SCAI: variants seen among roughly 807,000 people sequenced by gnomAD.
The protein encoded by SCAI is suppressor of cancer cell invasion.
A neutral mutation model predicts 92.2 loss-of-function variants in SCAI; 24 were observed. The ratio of observed to expected loss-of-function variants is 0.26; its 90% CI spans 0.19 to 0.37. The LOEUF is 0.37. Among genes scored for constraint, SCAI ranks in the 10% least tolerant of loss-of-function variants. SCAI has a pLI of 1.00. For missense variants in SCAI, 450 were observed against 736.2 expected (o/e 0.61, Z 4.50); for synonymous variants, 261 against 258.6 (o/e 1.01, Z -0.09).
intron 2 of SCAI, among the ~76,000 whole-genome samples, chr9:125,128,165 A>C (rs1455127615): frequency 6.6e-6 from 1 of 152,122 alleles, no homozygotes; most frequent in African/African-American, 2.4e-5. Flanking sequence ...AATTTTTAAA[A>C]ATAAAAAACC....
In SCAI at chr9:124,966,126, G is replaced by A. The variant is rs577636911; in HGVS notation, c.1674+5244C>T. 1.9e-4 allele frequency among the ~76,000 whole-genome samples: 29 copies of A among 152,128 alleles called. No homozygotes were observed. In the East Asian group the frequency reaches 4.3e-3, roughly 22 times the overall value. On this transcript the variant is annotated intron_variant, in intron 17 of 17. Transcript: ENST00000336505. ...TAAGTTCTAGGGTACATGTGCACAC[G>A]TGCAGGTTTGTTACATATGTATACA...
At chr9:124,975,506 C>T in intron 15 of SCAI, 1 of 271,884 alleles carries the variant, frequency 3.7e-6, no homozygotes, top group Non-Finnish European at 7.7e-6. Flanking sequence ...TTATGTGTCA[C>T]TAATTAAAGA....
chr9:124,960,491 A>C (rs2131577549), intron 17 of SCAI, among the ~76,000 whole-genome samples: 1 of 152,344 alleles, frequency 6.6e-6, no homozygotes, highest in Middle Eastern at 3.4e-3. Context: ...CTCAGTAACA[A>C]AAAGGAATGA....
chr9:125,054,311 C>T (rs1459365146), intron 3 of SCAI, among the ~76,000 whole-genome samples: 1 of 152,146 alleles, frequency 6.6e-6, no homozygotes, highest in Non-Finnish European at 1.5e-5. Flanking sequence ...TCAATAGGCA[C>T]ACAGATATGT....
chr9:125,026,098 T>G (rs1832959419), intron 6 of SCAI, among the ~76,000 whole-genome samples: 1 of 152,112 alleles, frequency 6.6e-6, no homozygotes, highest in Admixed American at 6.5e-5. Context: ...AGGCTGGGTG[T>G]GGTGGCTCAC....
At chr9:125,016,018 T>A (rs1408652239) in intron 9 of SCAI, among the ~76,000 whole-genome samples, 1 of 100,972 alleles carries the variant, frequency 9.9e-6, no homozygotes, top group Non-Finnish European at 1.8e-5. Flanking sequence ...CATCACACTT[T>A]GGGGACTGTT....
chr9:125,030,806 T>G (rs1833059269), intron 3 of SCAI, among the ~76,000 whole-genome samples: 1 of 152,120 alleles, frequency 6.6e-6, no homozygotes, highest in African/African-American at 2.4e-5. Flanking sequence ...TTAGCTACAC[T>G]TAAAATACAA....
At chr9:125,006,555 G>A (rs933023936) in intron 9 of SCAI, among the ~76,000 whole-genome samples, 2 of 152,144 alleles carry the variant, frequency 1.3e-5, no homozygotes, top group African/African-American at 2.4e-5. Context: ...GCAGTGGCGC[G>A]ATCTCGGCTC....
intron 1 of SCAI, 70 bp downstream of exon 1, chr9:125,143,315 C>T: frequency 1.0e-6 from 1 of 983,456 alleles, no homozygotes; most frequent in Non-Finnish European, 1.3e-6. Context: ...CCGCCCCGAG[C>T]CGCTGCCCCT....
chr9:124,989,001 T>C (rs1451589114), intron 14 of SCAI, among the ~76,000 whole-genome samples: 3 of 151,948 alleles, frequency 2.0e-5, no homozygotes, highest in Admixed American at 1.3e-4. Flanking sequence ...TAGCTGGGTG[T>C]GGTAGCGCAT....
intron 2 of SCAI, among the ~76,000 whole-genome samples, chr9:125,092,980 T>A (rs540043299): frequency 6.6e-6 from 1 of 152,346 alleles, no homozygotes; most frequent in South Asian, 2.1e-4. Context: ...AGGGTAATTA[T>A]CAGTCTTCAT....
intron 2 of SCAI, among the ~76,000 whole-genome samples, chr9:125,127,938 G>A (rs1451597000): frequency 6.6e-6 from 1 of 151,940 alleles, no homozygotes; most frequent in Non-Finnish European, 1.5e-5. Context: ...AACCCAGGAG[G>A]TGGAAGTCTC....
intron 3 of SCAI, among the ~76,000 whole-genome samples, chr9:125,054,015 C>T (rs368887575): frequency 6.6e-6 from 1 of 152,248 alleles, no homozygotes; most frequent in African/African-American, 2.4e-5. Flanking sequence ...TGCTCTGTCA[C>T]CCAGGCTGGA....
chr9:125,043,287 T>C (rs1833365035), intron 3 of SCAI, among the ~76,000 whole-genome samples: 1 of 152,192 alleles, frequency 6.6e-6, no homozygotes, highest in Non-Finnish European at 1.5e-5. Context: ...GACTCACATA[T>C]TCTTGTTTAA....
At position 124,950,991 on chromosome 9, in the gene SCAI, G is replaced by A. The variant is rs1831226411; in HGVS notation, c.*1816C>T. The stretch of plus-strand genomic sequence containing the variant: ...GAAGATTGCCTGAATCCAGGAATTT[G>A]AGGCTGCAGTGAGCCATGAATGTAC... On this transcript the variant is annotated 3_prime_UTR_variant, in exon 18 of 18. Coordinates refer to ENST00000336505, the MANE Select transcript of SCAI (RefSeq NM_001144877.3). 1 of 149,480 alleles carries A rather than the reference G, an allele frequency of 6.7e-6. No homozygotes were observed. Among genetic ancestry groups the A allele is most frequent in the South Asian group, 2.1e-4 (1 of 4,724 alleles). 9.3% of individuals were successfully genotyped at this position (149,480 alleles called of 1,614,324 possible).
chr9:125,125,721 C>T (rs1194892729), intron 2 of SCAI, among the ~76,000 whole-genome samples: 10 of 150,932 alleles, frequency 6.6e-5, no homozygotes, highest in African/African-American at 2.0e-4. Context: ...ATCCCAGCTA[C>T]TCAAGGGGCT....
At chr9:125,041,135 G>C (rs1564389835) in intron 3 of SCAI, among the ~76,000 whole-genome samples, 1 of 152,148 alleles carries the variant, frequency 6.6e-6, no homozygotes, top group Admixed American at 6.5e-5. Flanking sequence ...GCAAGAATTA[G>C]CAAGTTTAAA....
At position 125,055,395 on chromosome 9, in the gene SCAI, C is replaced by T. The variant is rs1210573151; in HGVS notation, c.230+481G>A. 2.6e-5 allele frequency among the ~76,000 whole-genome samples: 4 copies of T among 152,020 alleles called. No individual in the cohort carries two copies. In the East Asian group the frequency reaches 7.7e-4, roughly 29 times the overall value. ...ACCTCATCATTACTTTTTCCACCCA[C>T]CCCCCACCATCACCACCCCAATCTG... On this transcript the variant is annotated intron_variant, in intron 3 of 17. Transcript: ENST00000336505.
intron 17 of SCAI, among the ~76,000 whole-genome samples, chr9:124,967,809 A>T (rs1175548540): frequency 6.6e-6 from 1 of 152,208 alleles, no homozygotes; most frequent in East Asian, 1.9e-4. Flanking sequence ...TCAATGCTAA[A>T]GAGCTCAGAA....
Sources: allele counts gnomAD v4.1 joint callset (sites outside exome capture counted in the v4.1 genomes callset), GRCh38; gene constraint gnomAD v4.1.1; transcripts MANE v1.5; gene names NCBI Gene and HGNC (gene_info 2026-07-23, HGNC 2026-07-21).